Variants in RIMS2 observed in about 807,000 individuals in gnomAD.
RIMS2 encodes the protein regulating synaptic membrane exocytosis protein 2.
Under a neutral mutation model 174.4 loss-of-function variants are expected in RIMS2, and 59 were observed. The observed-to-expected ratio is 0.34, with a 90% CI of 0.27 to 0.42. RIMS2 has a LOEUF of 0.42. Among genes scored for constraint, RIMS2 ranks in the 10% least tolerant of loss-of-function variants. The probability of loss-of-function intolerance (pLI) is 1.00; values close to 1 mark genes in which losing one functional copy is unlikely to be tolerated. For synonymous variants in RIMS2, 606 were observed against 572.5 expected, an observed-to-expected ratio of 1.06 and a Z score of -0.84; for missense variants, 1,620 against 1,666.3, an observed-to-expected ratio of 0.97 and a Z score of 0.48.
At chr8:103,834,288 G>A (rs1245365156) in intron 3 of RIMS2, among the ~76,000 whole-genome samples, 1 of 140,160 alleles carries the variant, frequency 7.1e-6, no homozygotes, top group Non-Finnish European at 1.6e-5. Flanking sequence ...TTTTATCTGA[G>A]CTTTTATTTT....
At chr8:103,694,584 G>A (rs1337185645) in intron 1 of RIMS2, among the ~76,000 whole-genome samples, 1 of 152,106 alleles carries the variant, frequency 6.6e-6, no homozygotes, top group Non-Finnish European at 1.5e-5. Context: ...GGGCAGGCCT[G>A]GAACCTAGAG....
intron 3 of RIMS2, among the ~76,000 whole-genome samples, chr8:103,829,901 A>G (rs903326480): frequency 1.3e-5 from 2 of 152,188 alleles, no homozygotes; most frequent in Non-Finnish European, 2.9e-5. Context: ...AAAATAATAC[A>G]AATTTTAAGA....
At chr8:103,575,681 C>CATATATATATATAT (rs199658419) in intron 1 of RIMS2, among the ~76,000 whole-genome samples, 2 of 141,890 alleles carry the variant, frequency 1.4e-5, no homozygotes, top group East Asian at 2.1e-4. Flanking sequence ...TACACACACA[C>CATATATATATATAT]ACACATATAT....
chr8:103,825,173 A>C (rs1297500197), intron 3 of RIMS2, among the ~76,000 whole-genome samples: 1 of 152,086 alleles, frequency 6.6e-6, no homozygotes, highest in Non-Finnish European at 1.5e-5. Flanking sequence ...CTGCTTCCCC[A>C]CCTAGTGTAG....
chr8:104,251,275 C>T (rs758065443), intron 23 of RIMS2, 112 bp downstream of exon 29: 113 of 978,682 alleles, frequency 1.2e-4, no homozygotes, highest in East Asian at 3.9e-4. Flanking sequence ...AAAGGAAATT[C>T]TTTGGAAACT....
chr8:103,629,926 G>A (rs921850608), intron 1 of RIMS2, among the ~76,000 whole-genome samples: 1 of 152,010 alleles, frequency 6.6e-6, no homozygotes, highest in Admixed American at 6.6e-5. Context: ...GGCAGGGAGA[G>A]GGGGAGTAAA....
At chr8:103,609,921 C>T (rs1252735593) in intron 1 of RIMS2, among the ~76,000 whole-genome samples, 2 of 152,146 alleles carry the variant, frequency 1.3e-5, no homozygotes, top group Non-Finnish European at 2.9e-5. Flanking sequence ...TTGCTTTGGA[C>T]AGTATAGCCA....
chr8:104,021,837 C>T (rs1008393003), intron 19 of RIMS2, among the ~76,000 whole-genome samples: 2 of 152,150 alleles, frequency 1.3e-5, no homozygotes, highest in African/African-American at 4.8e-5. Context: ...TCACTCAAAC[C>T]AGTCTCCCTG....
intron 19 of RIMS2, among the ~76,000 whole-genome samples, chr8:104,065,292 A>G (rs1195279207): frequency 6.6e-6 from 1 of 152,086 alleles, no homozygotes; most frequent in East Asian, 1.9e-4. Context: ...GCTGAAACGA[A>G]GCTTAGGAAT....
chr8:104,046,339 G>A (rs2096695090), intron 19 of RIMS2, among the ~76,000 whole-genome samples: 1 of 151,962 alleles, frequency 6.6e-6, no homozygotes, highest in South Asian at 2.1e-4. Flanking sequence ...AGCTCCATCT[G>A]CTAATATGCT....
chr8:103,533,902 A>G (rs1293210263), intron 1 of RIMS2, among the ~76,000 whole-genome samples: 1 of 152,114 alleles, frequency 6.6e-6, no homozygotes, highest in Non-Finnish European at 1.5e-5. Flanking sequence ...TGTAGATGTA[A>G]CCATCATGAC....
In RIMS2 at chr8:104,140,960, A is replaced by G. The variant is rs75150406; in HGVS notation, c.3335-103956A>G. 1.3e-3 allele frequency among the ~76,000 whole-genome samples: 194 copies of G among 152,336 alleles called. 2 individuals are homozygous for G. The East Asian group carries it at 0.022, about 18-fold the overall frequency. On this transcript the variant is annotated intron_variant, in intron 19 of 23. Transcript: ENST00000504942. ...TTGTAAGATACATGTTATAATGAAG[A>G]CATTTTAAAAATCATAATTTTTGGG... is the stretch of plus-strand genomic sequence containing the variant.
intron 19 of RIMS2, among the ~76,000 whole-genome samples, chr8:104,040,413 G>A (rs576992784): frequency 1.3e-5 from 2 of 151,726 alleles, no homozygotes; most frequent in South Asian, 2.1e-4. Flanking sequence ...AGAATGCTCA[G>A]TTTAACAGAC....
At chr8:103,559,946 T>C (rs1360529826) in intron 1 of RIMS2, among the ~76,000 whole-genome samples, 1 of 152,196 alleles carries the variant, frequency 6.6e-6, no homozygotes, top group African/African-American at 2.4e-5. Flanking sequence ...TGCAGTGAGC[T>C]GAATTATAGG....
At chr8:103,678,963 T>C (rs1230308592) in intron 1 of RIMS2, among the ~76,000 whole-genome samples, 2 of 152,034 alleles carry the variant, frequency 1.3e-5, no homozygotes, top group Non-Finnish European at 2.9e-5. Context: ...TGTGAAGATG[T>C]CAATTATCCT....
At chr8:104,019,548 A>T (rs974252233) in intron 19 of RIMS2, among the ~76,000 whole-genome samples, 1 of 152,158 alleles carries the variant, frequency 6.6e-6, no homozygotes, top group Non-Finnish European at 1.5e-5. Flanking sequence ...CTCTTAAGCT[A>T]CTAGAATTAC....
At chr8:103,655,500 A>G (rs555639797) in intron 1 of RIMS2, among the ~76,000 whole-genome samples, 2 of 152,226 alleles carry the variant, frequency 1.3e-5, no homozygotes, top group Admixed American at 6.5e-5. Context: ...CATTAAACTA[A>G]TCAATTGGAT....
chr8:103,550,456 A>G (rs1438908134), intron 1 of RIMS2, among the ~76,000 whole-genome samples: 1 of 152,080 alleles, frequency 6.6e-6, no homozygotes, highest in African/African-American at 2.4e-5. Context: ...ATTTAAAGCA[A>G]TCTATAGAGG....
At chr8:104,177,559 T>G (rs2135760208) in intron 19 of RIMS2, among the ~76,000 whole-genome samples, 2 of 152,258 alleles carry the variant, frequency 1.3e-5, no homozygotes, top group Middle Eastern at 6.8e-3. Context: ...AAAATAAATT[T>G]AAACGCTTAA....
Sources: allele counts gnomAD v4.1 joint callset (sites outside exome capture counted in the v4.1 genomes callset), GRCh38; gene constraint gnomAD v4.1.1; transcripts MANE v1.5; gene names NCBI Gene and HGNC (gene_info 2026-07-23, HGNC 2026-07-21).